The following STOX2 variants were observed in gnomAD, a reference collection of about 807,000 sequenced individuals.
STOX2 encodes the protein storkhead box 2, also known as storkhead-box protein 2.
Under a neutral mutation model 60.9 loss-of-function variants are expected in STOX2, and 28 were observed. The ratio of observed to expected loss-of-function variants is 0.46; its 90% CI spans 0.34 to 0.63. The LOEUF (loss-of-function observed/expected upper bound fraction) is 0.63. Ranked by LOEUF, STOX2 falls within the 30% of genes least tolerant of loss-of-function variation. The pLI, the probability that STOX2 is intolerant of heterozygous loss-of-function variation, is 0.01. For missense variants in STOX2, 1,024 were observed against 1,187.7 expected, an observed-to-expected ratio of 0.86 and a Z score of 2.03; for synonymous variants, 472 against 463.9, an observed-to-expected ratio of 1.02 and a Z score of -0.22.
At chr4:183,961,022 G>C (rs1743396627) in intron 1 of STOX2, among the ~76,000 whole-genome samples, 3 of 152,174 alleles carry the variant, frequency 2.0e-5, no homozygotes, top group Admixed American at 2.0e-4. Flanking sequence ...CTGGTTCTCT[G>C]TGACACAGCG....
chr4:183,994,112 G>A (rs1290386758), intron 1 of STOX2, among the ~76,000 whole-genome samples: 2 of 152,172 alleles, frequency 1.3e-5, no homozygotes, highest in African/African-American at 4.8e-5. Flanking sequence ...CCCAGAAAGC[G>A]GGTGATTTCC....
chr4:183,805,532 G>C (rs535608371), intron 1 of STOX2, among the ~76,000 whole-genome samples: 2 of 152,332 alleles, frequency 1.3e-5, no homozygotes, highest in African/African-American at 4.8e-5. Context: ...AGTAGGCCAA[G>C]CATGGTGGCT....
At chr4:183,963,275 G>T (rs925040796) in intron 1 of STOX2, among the ~76,000 whole-genome samples, 1 of 151,976 alleles carries the variant, frequency 6.6e-6, no homozygotes, top group Non-Finnish European at 1.5e-5. Flanking sequence ...ATTCTTATGG[G>T]TTTTATTATG....
intron 2 of STOX2, among the ~76,000 whole-genome samples, chr4:184,006,322 A>G (rs1733824507): frequency 6.6e-6 from 1 of 152,166 alleles, no homozygotes; most frequent in Non-Finnish European, 1.5e-5. Flanking sequence ...GTCGGCTTTA[A>G]ACATGGGCTT....
At chr4:183,812,390 T>A (rs1455795484) in intron 1 of STOX2, among the ~76,000 whole-genome samples, 2 of 152,256 alleles carry the variant, frequency 1.3e-5, no homozygotes, top group Non-Finnish European at 2.9e-5. Context: ...AAAGTTGCAT[T>A]GTGCTTAATA....
intron 1 of STOX2, among the ~76,000 whole-genome samples, chr4:183,817,389 G>A (rs550287370): frequency 6.6e-4 from 101 of 152,282 alleles, no homozygotes; most frequent in Non-Finnish European, 1.1e-3. Context: ...CTTTGCTGGC[G>A]ATCAGTGGGA....
At chr4:183,972,311 G>A (rs555309292) in intron 1 of STOX2, among the ~76,000 whole-genome samples, 2 of 152,262 alleles carry the variant, frequency 1.3e-5, no homozygotes, top group East Asian at 3.9e-4. Context: ...GTATGTGGCT[G>A]AGCAAGGCAA....
chr4:184,014,581 A>C (rs569323686), intron 3 of STOX2: 3 of 151,968 alleles, frequency 2.0e-5, no homozygotes, highest in Non-Finnish European at 4.4e-5. Flanking sequence ...TAAAAAAAAA[A>C]AACAAAAAAC....
At chr4:183,799,033 A>T (rs1738700063) in intron 1 of STOX2, among the ~76,000 whole-genome samples, 1 of 152,216 alleles carries the variant, frequency 6.6e-6, no homozygotes, top group East Asian at 1.9e-4. Context: ...TCAAACGCTA[A>T]AAAACTGTAA....
At chr4:183,902,169 G>T (rs1053685099), upstream of STOX2, among the ~76,000 whole-genome samples, 1 of 152,156 alleles carries the variant, frequency 6.6e-6, no homozygotes, top group Non-Finnish European at 1.5e-5. Flanking sequence ...GAATAAGACA[G>T]AAAATATCCC....
intron 1 of STOX2, among the ~76,000 whole-genome samples, chr4:183,993,886 C>T (rs1733218889): frequency 6.6e-6 from 1 of 152,202 alleles, no homozygotes; most frequent in Non-Finnish European, 1.5e-5. Context: ...GCTCTGCCCC[C>T]ACCAGATGGG....
At chr4:183,964,665 C>G (rs1227921093) in intron 1 of STOX2, among the ~76,000 whole-genome samples, 2 of 152,108 alleles carry the variant, frequency 1.3e-5, no homozygotes, top group Non-Finnish European at 2.9e-5. Flanking sequence ...TCACTGCAAC[C>G]CCCGCCTCCC....
intron 1 of STOX2, among the ~76,000 whole-genome samples, chr4:183,951,051 T>TA (rs1488691339): frequency 6.6e-6 from 1 of 151,666 alleles, no homozygotes; most frequent in Non-Finnish European, 1.5e-5. Flanking sequence ...CCGTCTCTAC[T>TA]AAAAATACAA....
At chr4:183,907,367 A>G (rs1003950803) in intron 1 of STOX2, among the ~76,000 whole-genome samples, 1 of 152,148 alleles carries the variant, frequency 6.6e-6, no homozygotes, top group Non-Finnish European at 1.5e-5. Flanking sequence ...CTCCAAAAGG[A>G]ACAGGTTCCA....
intron 1 of STOX2, among the ~76,000 whole-genome samples, chr4:183,910,805 A>G (rs1448286958): frequency 6.6e-6 from 1 of 152,222 alleles, no homozygotes; most frequent in Non-Finnish European, 1.5e-5. Flanking sequence ...ACATTGCAAG[A>G]AATTTGAAAG....
At chr4:183,852,442 AAAGGTTGAGAGAAACGATGAGG>A (rs1740172571) in intron 1 of STOX2, among the ~76,000 whole-genome samples, 16 of 42,078 alleles carry the variant, frequency 3.8e-4, no homozygotes, top group African/African-American at 5.5e-4. Context: ...AGGATGAGGG[AAAGGTTGAGAGAAACGATGAGG>A]GAAAGGATGA....
At position 183,839,020 on chromosome 4, in the gene STOX2, C is replaced by T. The variant is rs185641204; in HGVS notation, c.364+40965C>T. On this transcript the variant is annotated intron_variant, in intron 1 of 2. Transcript: ENST00000513034. ...ACACACAGGTACACGTGCACGCGCGCGCGCACACACACACACACAGGTACA... is the reference window on the plus strand; with the variant it reads ...ACACACAGGTACACGTGCACGCGCGTGCGCACACACACACACACAGGTACA... 8.2e-4 allele frequency among the ~76,000 whole-genome samples: 123 copies of T among 150,880 alleles called. 2 individuals carry two copies. In the East Asian group the frequency reaches 0.021, roughly 26 times the overall value.
At chr4:183,901,991 C>G (rs1162312519), upstream of STOX2, among the ~76,000 whole-genome samples, 2 of 152,074 alleles carry the variant, frequency 1.3e-5, no homozygotes. Flanking sequence ...ATGTCATATA[C>G]TTGGTACACT....
At chr4:183,870,856 A>C (rs1740672094) in intron 1 of STOX2, among the ~76,000 whole-genome samples, 1 of 152,212 alleles carries the variant, frequency 6.6e-6, no homozygotes, top group Admixed American at 6.5e-5. Context: ...GAACTTTCTA[A>C]GAGGATTCCT....
Sources: gnomAD v4.1 joint callset for allele counts (sites outside exome capture counted in the v4.1 genomes callset) on GRCh38, gnomAD v4.1.1 for gene constraint, MANE v1.5 for transcripts, NCBI Gene and HGNC (gene_info 2026-07-23, HGNC 2026-07-21) for gene names.